The following MYCBP2 variants were observed in gnomAD, a reference collection of about 807,000 sequenced individuals.
The protein encoded by MYCBP2 is E3 ubiquitin-protein ligase MYCBP2.
MYCBP2 carries 120 observed loss-of-function variants against 525.3 expected under a neutral mutation model. That is an observed-to-expected ratio of 0.23 (90% CI 0.20 to 0.27). The LOEUF (loss-of-function observed/expected upper bound fraction) is 0.27. Ranked by LOEUF, MYCBP2 falls within the 10% of genes least tolerant of loss-of-function variation. The pLI is 1.00. For synonymous variants in MYCBP2, 1,894 were observed against 1,955.8 expected (o/e 0.97, Z 0.83); for missense variants, 4,149 against 5,657.1 (o/e 0.73, Z 8.55).
intron 1 of MYCBP2, among the ~76,000 whole-genome samples, chr13:77,307,789 T>C (rs2079653174): frequency 6.6e-6 from 1 of 152,078 alleles, no homozygotes. Context: ...TTCTCCTACA[T>C]ACGATAACTA....
Position 77,097,787 on chromosome 13 carries a change from T to A in MYCBP2, c.9367A>T (p.Met3123Leu). ...GSINKNKVLS[M>L]LKEPPLHEKC... ...TCATGCAGAGGTGGTTCCTTAAGCA[T>A]AGACAATACCTTGTTTTTGTTGATG... Residue 3123 changes from methionine (M) to leucine (L), a missense_variant, in exon 56 of 83, where the codon ATG (methionine) becomes TTG (leucine). This residue lies in a region of MYCBP2 where 653 missense variants were observed against 744.7 expected (regional missense o/e 0.88). Transcript: ENST00000544440. 6.2e-7 allele frequency: 1 copy of A among 1,613,812 alleles called. No homozygotes were observed.
intron 55 of MYCBP2, among the ~76,000 whole-genome samples, chr13:77,113,500 T>A (rs1381523501): frequency 1.3e-5 from 2 of 151,912 alleles, no homozygotes; most frequent in African/African-American, 4.8e-5. Context: ...GAAGAATGAA[T>A]AAGTCATCTA....
Position 77,087,552 on chromosome 13 carries a change from G to A in MYCBP2, c.10807C>T (p.Pro3603Ser), listed in dbSNP as rs147147421. 1 of 1,612,964 alleles carries A rather than the reference G, an allele frequency of 6.2e-7. No homozygotes were observed. Among genetic ancestry groups the A allele is most frequent in the Non-Finnish European group, 8.5e-7 (1 of 1,179,538 alleles). Residue 3603 changes from proline (P) to serine (S), a missense_variant, in exon 62 of 83, where the codon CCT becomes TCT. Pro to Ser is a moderately conservative substitution (Grantham distance 74). Transcript: ENST00000544440. Reference protein sequence around the residue: ...ILWHFVASLTPAPVEPEEEED... With the variant: ...ILWHFVASLTSAPVEPEEEED... Reference sequence around the variant, plus strand: ...TCTTCCTCTGGTTCCACTGGTGCAGGAGTCAGTGATGCCACAAAATGCCAC... The same window carrying A: ...TCTTCCTCTGGTTCCACTGGTGCAGAAGTCAGTGATGCCACAAAATGCCAC...
Position 77,270,496 on chromosome 13 carries a change from C to T in MYCBP2, c.988G>A (p.Val330Ile), listed in dbSNP as rs1297025808. Reference sequence around the variant, plus strand: ...TGAATTTGAATTTTTCCCACCAAAACTGCTTGTACACTTCTCTGTAGCGAA... The same window carrying T: ...TGAATTTGAATTTTTCCCACCAAAATTGCTTGTACACTTCTCTGTAGCGAA... ...LNSLQRSVQA[V>I]LVGKIQIQDW... The change falls in exon 6 of 83, where the codon GTT (valine) becomes ATT (isoleucine). Residue 330 changes from valine to isoleucine, a missense_variant. Val to Ile is a conservative substitution (Grantham distance 29, BLOSUM62 3). Coordinates refer to ENST00000544440, the MANE Select transcript of MYCBP2 (RefSeq NM_015057.5). The T allele has an allele frequency of 1.9e-6, 3 of 1,613,618 alleles. No individual in the cohort carries two copies. Among genetic ancestry groups the T allele is most frequent in the Non-Finnish European group, 1.7e-6 (2 of 1,179,718 alleles).
rs906351989 is a variant in MYCBP2, at chr13:77,181,785, A to G, written c.4857T>C (p.Ile1619=). The G allele has an allele frequency of 1.2e-6, 2 of 1,614,146 alleles. No homozygotes were observed. Among genetic ancestry groups the G allele is most frequent in the Admixed American group, 1.7e-5 (1 of 60,018 alleles). Residue 1619 remains isoleucine, a synonymous_variant, in exon 33 of 83, where the codon ATT becomes ATC. Transcript: ENST00000544440. ...AYDGEVLLRS[I]VKQVSTENDS... ...CGTTCTCTGTACTAACTTGTTTAAC[A>G]ATTGATCGTAGTAATACTTCTCCAT...
chr13:77,269,481 C>CA (rs989890999), intron 7 of MYCBP2, among the ~76,000 whole-genome samples: 2 of 151,934 alleles, frequency 1.3e-5, no homozygotes, highest in African/African-American at 4.8e-5. Context: ...ACTAAAAATA[C>CA]AAAAAAATTA....
intron 1 of MYCBP2, among the ~76,000 whole-genome samples, chr13:77,322,325 T>C (rs749512765): frequency 5.9e-5 from 9 of 152,282 alleles, no homozygotes; most frequent in African/African-American, 1.7e-4. Flanking sequence ...ATCCCCTCTA[T>C]TGTTTTCACT....
rs532183680 is a variant in MYCBP2 at position 77,288,586 on chromosome 13, C to T, written c.379-210G>A. Reference sequence around the variant, plus strand: ...AGCAATGCAGCAATAACCAACCAATCTGACAAGGGCTGGAAAAGGATGGGC... The same window carrying T: ...AGCAATGCAGCAATAACCAACCAATTTGACAAGGGCTGGAAAAGGATGGGC... On this transcript the variant is annotated intron_variant, in intron 2 of 82. Coordinates refer to ENST00000544440, the MANE Select transcript of MYCBP2 (RefSeq NM_015057.5). 2.0e-5 allele frequency among the ~76,000 whole-genome samples: 3 copies of T among 152,302 alleles called. 1 individual carries two copies. The highest frequency in any genetic ancestry group is 7.2e-5 in the African/African-American group (3 of 41,578).
rs148456186 is a variant in MYCBP2, at chr13:77,270,181, ATAT to A, written c.1188+112_1188+114del. On this transcript the variant is annotated intron_variant, in intron 6 of 82. Coordinates refer to ENST00000544440, the MANE Select transcript of MYCBP2 (RefSeq NM_015057.5). ...TATTTCAATTATGGTTTTCAAATAA[ATAT>A]TATTACACTAAAATTAGATCATATT... The A allele has an allele frequency of 3.4e-4, 483 of 1,430,302 alleles. No individual in the cohort carries two copies. The African/African-American group carries it at 6.0e-3, about 18-fold the overall frequency. 88.6% of individuals were successfully genotyped at this position (1,430,302 alleles called of 1,614,324 possible). A position where few individuals can be genotyped will look rare whatever the true frequency, so the allele number is the denominator to read the frequency against.
intron 22 of MYCBP2, 30 bp from the exon 23 acceptor site, chr13:77,211,350 T>A: frequency 9.0e-7 from 1 of 1,113,372 alleles, no homozygotes; most frequent in Non-Finnish European, 1.2e-6. Flanking sequence ...TATATAATTT[T>A]AATATATATT....
In MYCBP2 at chr13:77,243,864, T is replaced by C. The variant is rs369443685; in HGVS notation, c.2469A>G (p.Ala823=). The change falls in exon 16 of 83, where the codon GCA becomes GCG. Residue 823 remains alanine (A), a synonymous_variant. Coordinates refer to ENST00000544440, the MANE Select transcript of MYCBP2 (RefSeq NM_015057.5). The part of the protein sequence containing the change: ...ACARELDGQE[A]RQRGILDAVK... ...CTGCATCAAGAATTCCTCTTTGTCT[T>C]GCCTCTTGACCATCTAACTCTCTTG... 1.2e-6 allele frequency: 2 copies of C among 1,613,588 alleles called. No homozygotes were observed. The highest frequency in any genetic ancestry group is 2.7e-5 in the African/African-American group (2 of 74,884).
Position 77,267,906 on chromosome 13 carries a change from T to C in MYCBP2, c.1292A>G (p.His431Arg), listed in dbSNP as rs113829824. 1.9e-6 allele frequency: 3 copies of C among 1,613,852 alleles called. No individual in the cohort carries two copies. The highest frequency in any genetic ancestry group is 2.5e-6 in the Non-Finnish European group (3 of 1,179,854). Residue 431 changes from histidine (H) to arginine (R), a missense_variant, in exon 8 of 83, where the codon CAC becomes CGC. Around this residue, in one of 21 missense-constraint regions of MYCBP2, gnomAD observed 262 missense variants for 419.3 expected, o/e 0.62. Coordinates refer to ENST00000544440, the MANE Select transcript of MYCBP2 (RefSeq NM_015057.5). ...GYLLYRDVNN[H>R]SMTAIRISPE... is the part of the protein sequence containing the mutation. The stretch of plus-strand genomic sequence containing the variant: ...GCTTATCCTTATGGCTGTCATGCTG[T>C]GGTTATTCACATCTCTATATAATAA...
At chr13:77,219,163 G>A (rs114386672) in intron 20 of MYCBP2, among the ~76,000 whole-genome samples, 247 of 152,210 alleles carry the variant, frequency 1.6e-3, no homozygotes, top group African/African-American at 5.3e-3. Context: ...GATACAGACC[G>A]AGGAAGAACA....
chr13:77,224,015 C>T (rs1387689847), intron 20 of MYCBP2, among the ~76,000 whole-genome samples: 2 of 152,142 alleles, frequency 1.3e-5, no homozygotes, highest in African/African-American at 4.8e-5. Flanking sequence ...AGGTTCTGTC[C>T]AAAAATTATT....
chr13:77,103,071 T>C, intron 55 of MYCBP2: 1 of 387,756 alleles, frequency 2.6e-6, no homozygotes, highest in Non-Finnish European at 4.6e-6. Flanking sequence ...CTCAAACATA[T>C]ATAAATGTAA....
At chr13:77,144,303 G>A in intron 49 of MYCBP2, 142 bp downstream of exon 49, 1 of 630,282 alleles carries the variant, frequency 1.6e-6, no homozygotes. Context: ...TACTCATTAT[G>A]AAAGAGAAAA....
chr13:77,156,019 G>C (rs2057172155), intron 46 of MYCBP2, 39 bp downstream of exon 46: 1 of 1,586,384 alleles, frequency 6.3e-7, no homozygotes, highest in East Asian at 2.2e-5. Context: ...ATTGCAGCCA[G>C]TATATAGATG....
At chr13:77,092,561 A>C (rs2045611765) in intron 59 of MYCBP2, 1 of 151,924 alleles carries the variant, frequency 6.6e-6, no homozygotes, top group Admixed American at 6.6e-5. Context: ...AGTAGCTGGG[A>C]TTACAGGTGT....
chr13:77,206,851 C>T (rs1380171215), intron 23 of MYCBP2, 26 bp from the exon 24 acceptor site: 1 of 1,549,834 alleles, frequency 6.5e-7, no homozygotes, highest in Non-Finnish European at 8.7e-7. Flanking sequence ...ATAATTACAG[C>T]ACCTCAATGT....
Sources: allele counts gnomAD v4.1 joint callset (sites outside exome capture counted in the v4.1 genomes callset), GRCh38; gene constraint gnomAD v4.1.1; regional missense constraint gnomAD v4.1.1; transcripts MANE v1.5; gene names NCBI Gene and HGNC (gene_info 2026-07-23, HGNC 2026-07-21).